CHAT: variants seen among roughly 807,000 people sequenced by gnomAD.
CHAT encodes acetyl CoA:choline O-acetyltransferase.
Under a neutral mutation model 76.9 loss-of-function variants are expected in CHAT, and 61 were observed. The ratio of observed to expected loss-of-function variants is 0.79; its 90% CI spans 0.65 to 0.98. CHAT has a LOEUF of 0.98. Among genes scored for constraint, CHAT ranks in the 50% least tolerant of loss-of-function variants. The pLI is 0.00. For synonymous variants in CHAT, 407 were observed against 397.4 expected (o/e 1.02, Z -0.29); for missense variants, 946 against 986.9 (o/e 0.96, Z 0.56).
intron 7 of CHAT, among the ~76,000 whole-genome samples, chr10:49,640,504 G>C (rs867070589): frequency 7.9e-5 from 12 of 151,266 alleles, no homozygotes; most frequent in Middle Eastern, 3.4e-3. Flanking sequence ...GCAGGGTTGG[G>C]GGGTGGAAGT....
At chr10:49,612,529 G>A (rs544803480), upstream of CHAT, 22 of 605,238 alleles carry the variant, frequency 3.6e-5, no homozygotes, top group African/African-American at 1.3e-4. Context: ...GTCCAATGGG[G>A]CTTGGAGCAC....
At chr10:49,661,593 G>C (rs1487199664) in intron 13 of CHAT, among the ~76,000 whole-genome samples, 1 of 152,130 alleles carries the variant, frequency 6.6e-6, no homozygotes, top group Non-Finnish European at 1.5e-5. Context: ...ATTGTGAATG[G>C]GAAGTTTCCT....
In CHAT at chr10:49,667,416, T is replaced by C. The variant is rs925642993; in HGVS notation, c.*2370T>C. Among the ~76,000 whole-genome samples, 1 of 152,214 alleles carries C rather than the reference T, an allele frequency of 6.6e-6. No homozygotes were observed. Among genetic ancestry groups the C allele is most frequent in the African/African-American group, 2.4e-5 (1 of 41,454 alleles). The stretch of plus-strand genomic sequence containing the variant: ...CCGAGCACATGGAAAGGTAACTCAC[T>C]CTGTACATTCAGATATCAAACTATG... On this transcript the variant is annotated 3_prime_UTR_variant, in exon 15 of 15. Transcript: ENST00000337653.
chr10:49,625,393 A>G lies in CHAT; in HGVS notation c.753-80A>G, dbSNP rs1838880137. The G allele has an allele frequency of 8.1e-6, 11 of 1,364,976 alleles. No individual in the cohort carries two copies. In the South Asian group the frequency reaches 1.3e-4, roughly 17 times the overall value. The allele number at this position is 1,364,976 out of a possible 1,614,324, so 84.6% of individuals were successfully genotyped here. ...GTGCCCCATTTTGCCTGATCAAGTT[A>G]CAATAAAACCCATTCTCTGTCTCCC... On this transcript the variant is annotated intron_variant, in intron 5 of 14. Coordinates refer to ENST00000337653, the MANE Select transcript of CHAT (RefSeq NM_020549.5).
chr10:49,611,972 T>C (rs36060462), upstream of CHAT: 43 of 1,613,268 alleles, frequency 2.7e-5, no homozygotes, highest in Admixed American at 6.7e-5. Flanking sequence ...CTGGTGGACG[T>C]GCGCCATGTC....
In CHAT at chr10:49,666,231, CCCAGCCCCAGCCCCAGCTCCAGCT is replaced by C. The variant is rs1840336667; in HGVS notation, c.*1197_*1220del. Among the ~76,000 whole-genome samples, 1 of 151,972 alleles carries C rather than the reference CCCAGCCCCAGCCCCAGCTCCAGCT, an allele frequency of 6.6e-6. No individual in the cohort carries two copies. Among genetic ancestry groups the C allele is most frequent in the Admixed American group, 6.5e-5 (1 of 15,270 alleles). On this transcript the variant is annotated 3_prime_UTR_variant, in exon 15 of 15. Transcript: ENST00000337653. ...GGGCACAGCCTCCTCCAGAGTCAGC[CCCAGCCCCAGCCCCAGCTCCAGCT>C]CCAGCCCCAGCTCCAGCTCCAGCCC...
Position 49,614,274 on chromosome 10 carries a change from A to T in CHAT, c.85A>T (p.Arg29Ter), listed in dbSNP as rs772025588. The change falls in exon 1 of 15, where the codon AGA (arginine) becomes TGA (stop). Residue 29 changes from arginine to a stop codon, truncating the protein, a stop_gained. Coordinates refer to ENST00000337653, the MANE Select transcript of CHAT (RefSeq NM_020549.5). LOFTEE classifies it high-confidence loss of function. The stretch of plus-strand genomic sequence containing the variant: ...GGAGGGAGGAGGTACAAGAGGAAGG[A>T]GAGAAGTGCGGCCAGCTTGCTTTCT... ...REEGGGTRGR[R>*]EVRPACFLQS... 11 of 1,548,256 alleles carry T rather than the reference A, an allele frequency of 7.1e-6. No homozygotes were observed. Among genetic ancestry groups the T allele is most frequent in the Non-Finnish European group, 8.7e-6 (10 of 1,146,496 alleles).
Position 49,655,095 on chromosome 10 carries a change from G to T in CHAT, c.1635G>T (p.Arg545Ser), listed in dbSNP as rs201857639. ...GCCATTCATCCTTCATCCCACGCAG[G>T]CTCCATCGAAGACTGGTGCCCACCT... ...IQVALQLAFY[R>S]LHRRLVPTYE... is the part of the protein sequence containing the mutation. Residue 545 changes from arginine (R) to serine (S), a missense_variant and splice_region_variant, in exon 12 of 15, where the codon AGG (arginine) becomes AGT (serine). Transcript: ENST00000337653. 1.4e-5 allele frequency: 22 copies of T among 1,613,968 alleles called. No individual in the cohort carries two copies. The highest frequency in any genetic ancestry group is 3.3e-5 in the South Asian group (3 of 91,076).
intron 7 of CHAT, 102 bp downstream of exon 7, chr10:49,627,887 T>C (rs1339196915): frequency 1.5e-6 from 2 of 1,360,792 alleles, no homozygotes; most frequent in South Asian, 1.2e-5. Context: ...CCATCAGCCA[T>C]AGTGTGGGAG....
At chr10:49,651,310 G>GGCA (rs1194477775) in intron 10 of CHAT, among the ~76,000 whole-genome samples, 1 of 151,756 alleles carries the variant, frequency 6.6e-6, no homozygotes, top group Non-Finnish European at 1.5e-5. Flanking sequence ...TTCAAGGAGA[G>GGCA]GCAGGCAGGG....
intron 6 of CHAT, 45 bp downstream of exon 6, chr10:49,625,698 G>C (rs759450437): frequency 2.0e-6 from 3 of 1,529,904 alleles, no homozygotes; most frequent in African/African-American, 1.4e-5. Context: ...AGAGCATACA[G>C]TGGCCATGCG....
intron 3 of CHAT, among the ~76,000 whole-genome samples, chr10:49,620,148 C>T (rs1179800634): frequency 1.3e-5 from 2 of 151,484 alleles, no homozygotes; most frequent in African/African-American, 2.4e-5. Context: ...GAGAAAGAGG[C>T]GGACAAATCG....
intron 7 of CHAT, among the ~76,000 whole-genome samples, chr10:49,632,892 G>A (rs567273952): frequency 2.6e-5 from 4 of 152,316 alleles, no homozygotes; most frequent in East Asian, 1.9e-4. Flanking sequence ...GCTGCCTGCC[G>A]CACCCCTCAG....
In CHAT at chr10:49,665,116, C is replaced by T; in HGVS notation, c.*70C>T. 7.7e-6 allele frequency: 12 copies of T among 1,548,960 alleles called. No individual in the cohort carries two copies. The highest frequency in any genetic ancestry group is 2.2e-5 in the South Asian group (2 of 89,480). The stretch of plus-strand genomic sequence containing the variant: ...GCCAGACCCTGCAGATCCCCACTCC[C>T]GTCCCTTACCCCAGCTTTCCACAGC... On this transcript the variant is annotated 3_prime_UTR_variant, in exon 15 of 15. Transcript: ENST00000337653.
intron 2 of CHAT, among the ~76,000 whole-genome samples, chr10:49,617,116 C>T (rs11101183): frequency 0.83 from 126,652 of 151,990 alleles, 53,181 homozygotes; most frequent in South Asian, 0.88. Flanking sequence ...ACACACCTGA[C>T]TTCAGGTGGT....
At chr10:49,637,556 C>A in intron 7 of CHAT, 1 of 152,580 alleles carries the variant, frequency 6.6e-6, no homozygotes, top group South Asian at 2.0e-4. Context: ...CCCCCTTGTT[C>A]TCTGTCTCTC....
At chr10:49,628,805 C>G (rs976128402) in intron 7 of CHAT, among the ~76,000 whole-genome samples, 10 of 152,262 alleles carry the variant, frequency 6.6e-5, no homozygotes, top group African/African-American at 2.2e-4. Flanking sequence ...GCAGACCAAC[C>G]CTGGGCAAAG....
At chr10:49,651,106 G>A (rs999937524) in intron 10 of CHAT, among the ~76,000 whole-genome samples, 1 of 152,074 alleles carries the variant, frequency 6.6e-6, no homozygotes, top group African/African-American at 2.4e-5. Flanking sequence ...AGTGGGTGAG[G>A]CCCGAGTGGG....
chr10:49,648,077 T>G (rs904550673), intron 8 of CHAT: 5 of 229,438 alleles, frequency 2.2e-5, no homozygotes, highest in East Asian at 1.2e-4. Flanking sequence ...GGGAAGTGAG[T>G]TTCTTTGTAG....
Sources: gnomAD v4.1 joint callset for allele counts (sites outside exome capture counted in the v4.1 genomes callset) on GRCh38, gnomAD v4.1.1 for gene constraint, MANE v1.5 for transcripts, NCBI Gene and HGNC (gene_info 2026-07-23, HGNC 2026-07-21) for gene names.